RBM14: variants seen among roughly 807,000 people sequenced by gnomAD.
RBM14 encodes the protein RNA binding motif protein 14.
Under a neutral mutation model 52.8 loss-of-function variants are expected in RBM14, and 5 were observed. The observed-to-expected ratio is 0.09, with a 90% CI of 0.05 to 0.20. The LOEUF (loss-of-function observed/expected upper bound fraction) is 0.20, where lower values mean the gene tolerates loss of function less well. RBM14 is among the 10% of genes least tolerant of loss of function. The probability of loss-of-function intolerance (pLI) is 1.00; values close to 1 mark genes in which losing one functional copy is unlikely to be tolerated. For missense variants in RBM14, 780 were observed against 926.6 expected (o/e 0.84, Z 2.05); for synonymous variants, 411 against 401.8 (o/e 1.02, Z -0.28).
At chr11:66,621,898 G>A (rs1354129712) in intron 1 of RBM14, among the ~76,000 whole-genome samples, 1 of 152,102 alleles carries the variant, frequency 6.6e-6, no homozygotes, top group Admixed American at 6.6e-5. Flanking sequence ...ATGTGTCGGA[G>A]GAAATACATG....
At chr11:66,626,383 A>G in intron 2 of RBM14, 78 bp from the exon 3 acceptor site, 2 of 1,373,340 alleles carry the variant, frequency 1.5e-6, no homozygotes, top group Non-Finnish European at 2.1e-6. Flanking sequence ...CCCTGTCCCC[A>G]TTGGCATCTC....
chr11:66,617,850 C>T (rs553131098), intron 1 of RBM14, among the ~76,000 whole-genome samples: 1 of 152,126 alleles, frequency 6.6e-6, no homozygotes, highest in East Asian at 1.9e-4. Flanking sequence ...AGCCAGTGCC[C>T]TAGGGCAGTG....
intron 1 of RBM14, among the ~76,000 whole-genome samples, chr11:66,622,230 T>C (rs1321543677): frequency 6.6e-6 from 1 of 151,274 alleles, no homozygotes; most frequent in East Asian, 1.9e-4. Context: ...TCTTTTCTTT[T>C]TTTCTTTTTT....
Position 66,626,756 on chromosome 11 carries a change from T to C in RBM14, c.*88T>C, listed in dbSNP as rs113540746. ...TCCAGGTTATAACTACTCTGGCCCA[T>C]ACCTTTCCTGGTTGTGGTTTTTCAT... On this transcript the variant is annotated 3_prime_UTR_variant, in exon 3 of 3. Transcript: ENST00000310137. 1.6e-6 allele frequency: 2 copies of C among 1,277,476 alleles called. No homozygotes were observed. The highest frequency in any genetic ancestry group is 1.5e-5 in the South Asian group (1 of 66,936). The allele number at this position is 1,277,476 out of a possible 1,614,324, so 79.1% of individuals were successfully genotyped here.
chr11:66,621,862 T>A (rs1178547267), intron 1 of RBM14, among the ~76,000 whole-genome samples: 1 of 152,234 alleles, frequency 6.6e-6, no homozygotes, highest in Non-Finnish European at 1.5e-5. Flanking sequence ...CTCTTGAACC[T>A]CTTAACTTTG....
rs753192355 is a variant in RBM14, at chr11:66,626,727, C to T, written c.*59C>T. The T allele has an allele frequency of 6.8e-7, 1 of 1,463,058 alleles. No homozygotes were observed. The highest frequency in any genetic ancestry group is 9.2e-7 in the Non-Finnish European group (1 of 1,085,948). The allele number at this position is 1,463,058 out of a possible 1,614,324, so 90.6% of individuals were successfully genotyped here. On this transcript the variant is annotated 3_prime_UTR_variant, in exon 3 of 3. Transcript: ENST00000310137. ...GGGAGAAAAGAGGTGGGTAGGGTTA[C>T]AGATCCAGGTTATAACTACTCTGGC...
rs1461095519 is a variant in RBM14 at position 66,626,717 on chromosome 11, G to A, written c.*49G>A. 1.3e-6 allele frequency: 2 copies of A among 1,502,998 alleles called. No individual in the cohort carries two copies. The highest frequency in any genetic ancestry group is 2.8e-5 in the African/African-American group (2 of 72,640). 93.1% of individuals were successfully genotyped at this position (1,502,998 alleles called of 1,614,324 possible). ...CAGGGAGGGAGGGAGAAAAGAGGTGGGTAGGGTTACAGATCCAGGTTATAA... is the reference window on the plus strand; with the variant it reads ...CAGGGAGGGAGGGAGAAAAGAGGTGAGTAGGGTTACAGATCCAGGTTATAA... On this transcript the variant is annotated 3_prime_UTR_variant, in exon 3 of 3. Transcript: ENST00000310137.
chr11:66,621,166 T>G (rs1859091501), intron 1 of RBM14, among the ~76,000 whole-genome samples: 1 of 151,932 alleles, frequency 6.6e-6, no homozygotes, highest in Non-Finnish European at 1.5e-5. Context: ...CCACCATTCC[T>G]GGCCCAGCCT....
chr11:66,623,823 G>A, intron 1 of RBM14: 1 of 711,312 alleles, frequency 1.4e-6, no homozygotes, highest in Non-Finnish European at 2.6e-6. Context: ...TGTTTGGTGA[G>A]TTTGGGTTGA....
chr11:66,624,697 G>A lies in RBM14; in HGVS notation c.821G>A (p.Arg274His), dbSNP rs1937705618. Residue 274 changes from arginine to histidine, a missense_variant, in exon 2 of 3, where the codon CGC becomes CAC. This residue lies in a region of RBM14 where 675 missense variants were observed against 697.3 expected (regional missense o/e 0.97). Coordinates refer to ENST00000310137, the MANE Select transcript of RBM14 (RefSeq NM_006328.4). This position sits in a 1 kb window ranked among gnomAD's most constrained non-coding sequence, Gnocchi z 4.7. ...QPMTAQAASY[R>H]AQPSVSLGAP... ...ATGACAGCCCAGGCAGCCTCTTACC[G>A]CGCTCAGCCCTCTGTCTCCCTTGGG... is the stretch of plus-strand genomic sequence containing the variant. The A allele has an allele frequency of 3.1e-6, 5 of 1,613,242 alleles. No individual in the cohort carries two copies. The highest frequency in any genetic ancestry group is 4.2e-6 in the Non-Finnish European group (5 of 1,179,724).
chr11:66,622,620 A>G (rs530859040), intron 1 of RBM14, among the ~76,000 whole-genome samples: 8 of 152,298 alleles, frequency 5.3e-5, no homozygotes, highest in South Asian at 2.1e-4. Flanking sequence ...CTTTTGTGCT[A>G]TGCCACACTT....
chr11:66,618,539 G>C, intron 1 of RBM14: 2 of 717,434 alleles, frequency 2.8e-6, no homozygotes, highest in Non-Finnish European at 5.2e-6. Flanking sequence ...TTTCCTGCTG[G>C]GTGCTCTGAG....
At chr11:66,619,310 AC>A (rs1228483606) in intron 1 of RBM14, 2 of 152,174 alleles carry the variant, frequency 1.3e-5, no homozygotes, top group East Asian at 1.9e-4. Flanking sequence ...GGAAAAAAAA[AC>A]AACATAGTTG....
At position 66,624,795 on chromosome 11, in the gene RBM14, G is replaced by A. The variant is rs904107730; in HGVS notation, c.919G>A (p.Gly307Arg). 1.1e-5 allele frequency: 17 copies of A among 1,613,992 alleles called. No homozygotes were observed. Among genetic ancestry groups the A allele is most frequent in the African/African-American group, 1.3e-5 (1 of 74,906 alleles). The change falls in exon 2 of 3, where the codon GGA becomes AGA. Residue 307 changes from glycine to arginine, a missense_variant. Physicochemically the swap from Gly to Arg is moderately radical, Grantham distance 125. This residue lies in a region of RBM14 where 675 missense variants were observed against 697.3 expected (regional missense o/e 0.97). Coordinates refer to ENST00000310137, the MANE Select transcript of RBM14 (RefSeq NM_006328.4). This position sits in a 1 kb window ranked among gnomAD's most constrained non-coding sequence, Gnocchi z 4.7. The stretch of plus-strand genomic sequence containing the variant: ...AGCTTCTTCACTCGGCCCATATGGT[G>A]GAGCCCAGCCCTCAGCCTCGGCCCT... ...AAASSLGPYG[G>R]AQPSASALSS...
chr11:66,622,231 T>C (rs1590844154), intron 1 of RBM14, among the ~76,000 whole-genome samples: 1 of 151,404 alleles, frequency 6.6e-6, no homozygotes, highest in East Asian at 1.9e-4. Context: ...CTTTTCTTTT[T>C]TTCTTTTTTT....
In RBM14 at chr11:66,616,714, C is replaced by T; in HGVS notation, c.-7C>T. Reference sequence around the variant, plus strand: ...GGGCTCTCCAGGAAGGTGGCTGCGGCGACAAAATGAAGATATTCGTGGGCA... The same window carrying T: ...GGGCTCTCCAGGAAGGTGGCTGCGGTGACAAAATGAAGATATTCGTGGGCA... On this transcript the variant is annotated 5_prime_UTR_variant, in exon 1 of 3. Coordinates refer to ENST00000310137, the MANE Select transcript of RBM14 (RefSeq NM_006328.4). 1 of 1,586,360 alleles carries T rather than the reference C, an allele frequency of 6.3e-7. No homozygotes were observed. The highest frequency in any genetic ancestry group is 8.6e-7 in the Non-Finnish European group (1 of 1,160,774).
intron 1 of RBM14, among the ~76,000 whole-genome samples, chr11:66,621,539 G>A (rs143303494): frequency 8.9e-4 from 135 of 152,048 alleles, no homozygotes; most frequent in Non-Finnish European, 1.7e-3. Context: ...CACCACAGCC[G>A]GCTAATTTAA....
At chr11:66,618,679 T>G in intron 1 of RBM14, 1 of 641,792 alleles carries the variant, frequency 1.6e-6, no homozygotes, top group Admixed American at 2.6e-5. Context: ...GTTTTGTGTT[T>G]AATTGACTTA....
chr11:66,626,692 CAGGG>C lies in RBM14; in HGVS notation c.*35_*38del, dbSNP rs1368783703. ...AGGGCCATCCTGGGATGGGGCACCA[CAGGG>C]AGGGAGGGAGAAAAGAGGTGGGTAG... On this transcript the variant is annotated 3_prime_UTR_variant, in exon 3 of 3. Coordinates refer to ENST00000310137, the MANE Select transcript of RBM14 (RefSeq NM_006328.4). 3.2e-6 allele frequency: 5 copies of C among 1,573,856 alleles called. No individual in the cohort carries two copies. Among genetic ancestry groups the C allele is most frequent in the Admixed American group, 1.8e-5 (1 of 56,578 alleles).
Sources: gnomAD v4.1 joint callset for allele counts (sites outside exome capture counted in the v4.1 genomes callset) on GRCh38, gnomAD v4.1.1 for gene constraint, gnomAD v4.1.1 regional missense constraint, Gnocchi (gnomAD v3.1) non-coding constraint, MANE v1.5 for transcripts, NCBI Gene and HGNC (gene_info 2026-07-23, HGNC 2026-07-21) for gene names.